The following AGBL4 variants were observed in gnomAD, a reference collection of about 807,000 sequenced individuals.
AGBL4 encodes AGBL carboxypeptidase 4.
Under a neutral mutation model 66.4 loss-of-function variants are expected in AGBL4, and 58 were observed. The ratio of observed to expected loss-of-function variants is 0.87; its 90% CI spans 0.71 to 1.09. The LOEUF (loss-of-function observed/expected upper bound fraction) is 1.09. Among genes scored for constraint, AGBL4 ranks in the 50% least tolerant of loss-of-function variants. The probability of loss-of-function intolerance (pLI) is 0.00; values close to 1 mark genes in which losing one functional copy is unlikely to be tolerated. For missense variants in AGBL4, 579 were observed against 631.0 expected (o/e 0.92, Z 0.88); for synonymous variants, 234 against 222.9 (o/e 1.05, Z -0.44).
intron 4 of AGBL4, among the ~76,000 whole-genome samples, chr1:49,125,385 TG>T (rs1645745134): frequency 6.6e-6 from 1 of 152,130 alleles, no homozygotes; most frequent in Non-Finnish European, 1.5e-5. Flanking sequence ...TTCCCCTAGT[TG>T]TATGGCCAGC....
chr1:49,423,673 G>A (rs1472884421), intron 3 of AGBL4, among the ~76,000 whole-genome samples: 1 of 151,904 alleles, frequency 6.6e-6, no homozygotes, highest in African/African-American at 2.4e-5. Flanking sequence ...TTAGCCAGGT[G>A]TGGTGGTACA....
intron 5 of AGBL4, among the ~76,000 whole-genome samples, chr1:49,035,729 GGT>G (rs140975530): frequency 2.2e-4 from 33 of 149,412 alleles, no homozygotes; most frequent in East Asian, 5.9e-4. Flanking sequence ...ACACTCCTGG[GGT>G]GTGTGTGTGT....
chr1:49,225,524 A>G (rs1365232196), intron 4 of AGBL4, among the ~76,000 whole-genome samples: 1 of 152,186 alleles, frequency 6.6e-6, no homozygotes, highest in Non-Finnish European at 1.5e-5. Context: ...ACCAGACCCA[A>G]GGTGGGACTG....
At chr1:49,096,636 C>A (rs1172793272) in intron 4 of AGBL4, among the ~76,000 whole-genome samples, 1 of 132,438 alleles carries the variant, frequency 7.6e-6, no homozygotes, top group African/African-American at 2.9e-5. Context: ...GGGAACTGAA[C>A]AATGAGAACA....
intron 4 of AGBL4, among the ~76,000 whole-genome samples, chr1:49,191,995 G>T (rs1647129140): frequency 6.6e-6 from 1 of 152,140 alleles, no homozygotes; most frequent in Non-Finnish European, 1.5e-5. Context: ...TGGCTGCTGG[G>T]TTGAGTGGTA....
intron 3 of AGBL4, among the ~76,000 whole-genome samples, chr1:49,331,687 G>A (rs923452478): frequency 2.0e-5 from 3 of 151,910 alleles, no homozygotes; most frequent in African/African-American, 7.3e-5. Context: ...GGAGAGGCAG[G>A]CTGCCACCTT....
chr1:48,623,943 C>T (rs1442699630), intron 9 of AGBL4, among the ~76,000 whole-genome samples: 2 of 152,138 alleles, frequency 1.3e-5, no homozygotes, highest in Non-Finnish European at 2.9e-5. Flanking sequence ...CCCACAGAGA[C>T]TCTTTTTTAG....
chr1:49,008,469 G>A (rs1442115971), intron 5 of AGBL4, among the ~76,000 whole-genome samples: 12 of 147,910 alleles, frequency 8.1e-5, no homozygotes, highest in Non-Finnish European at 1.4e-4. Flanking sequence ...ACAGATCAAC[G>A]AGACAGAAAG....
At chr1:49,986,719 C>T (rs1659533949) in intron 1 of AGBL4, among the ~76,000 whole-genome samples, 2 of 152,066 alleles carry the variant, frequency 1.3e-5, no homozygotes, top group South Asian at 2.1e-4. Context: ...TTTCATAATG[C>T]ACTCTTTAAA....
chr1:48,897,273 G>A (rs1557437220), intron 5 of AGBL4, among the ~76,000 whole-genome samples: 1 of 152,086 alleles, frequency 6.6e-6, no homozygotes, highest in South Asian at 2.1e-4. Flanking sequence ...TTAACATAGT[G>A]GTCTCCAGTA....
At position 48,961,947 on chromosome 1, in the gene AGBL4, C is replaced by G. The variant is rs1658023985; in HGVS notation, c.594+83637G>C. Among the ~76,000 whole-genome samples, 4 of 152,088 alleles carry G rather than the reference C, an allele frequency of 2.6e-5. No homozygotes were observed. In the South Asian group the frequency reaches 8.3e-4, roughly 32 times the overall value. On this transcript the variant is annotated intron_variant, in intron 5 of 13. Transcript: ENST00000371839. ...TGATCTCAATTCTGGCTACAAATAC[C>G]AATCCCTGGGTATGGATTCTGATTC... is the stretch of plus-strand genomic sequence containing the variant.
chr1:49,605,520 T>C (rs1645047844), intron 3 of AGBL4, among the ~76,000 whole-genome samples: 1 of 152,160 alleles, frequency 6.6e-6, no homozygotes, highest in African/African-American at 2.4e-5. Context: ...TAAATGGTGG[T>C]ATAAAATATT....
chr1:49,868,844 T>C (rs780077778), intron 1 of AGBL4, among the ~76,000 whole-genome samples: 2 of 152,134 alleles, frequency 1.3e-5, no homozygotes, highest in Non-Finnish European at 2.9e-5. Flanking sequence ...GAGAAAATTT[T>C]TGCAATCTTT....
intron 9 of AGBL4, among the ~76,000 whole-genome samples, chr1:48,593,699 C>T (rs565286842): frequency 6.2e-4 from 94 of 151,968 alleles, no homozygotes; most frequent in African/African-American, 2.2e-3. Context: ...TGCAGTGAGC[C>T]GAGATCACGC....
chr1:49,889,952 C>T (rs532657895), intron 1 of AGBL4, among the ~76,000 whole-genome samples: 7 of 152,166 alleles, frequency 4.6e-5, no homozygotes, highest in Non-Finnish European at 8.8e-5. Flanking sequence ...TCAGATTATG[C>T]TTATATCATT....
At chr1:49,505,895 C>T (rs1476441885) in intron 3 of AGBL4, among the ~76,000 whole-genome samples, 1 of 151,902 alleles carries the variant, frequency 6.6e-6, no homozygotes, top group African/African-American at 2.4e-5. Context: ...TCTATAATTC[C>T]CGTAAACTTT....
chr1:49,845,240 C>A (rs1646109148), intron 2 of AGBL4: 2 of 1,546,366 alleles, frequency 1.3e-6, no homozygotes, highest in African/African-American at 1.4e-5. Flanking sequence ...GGGGAGAAAC[C>A]CTATAAATGC....
chr1:48,583,188 C>T (rs982207115), intron 11 of AGBL4, among the ~76,000 whole-genome samples: 1 of 152,188 alleles, frequency 6.6e-6, no homozygotes, highest in Non-Finnish European at 1.5e-5. Flanking sequence ...ATGCTCTTTG[C>T]CCTACAAACC....
intron 6 of AGBL4, among the ~76,000 whole-genome samples, chr1:48,693,215 G>C (rs1531900): frequency 2.6e-5 from 4 of 152,050 alleles, no homozygotes; most frequent in Non-Finnish European, 2.9e-5. Flanking sequence ...GGGCAGGGCT[G>C]GGTGTAGATT....
Sources: gnomAD v4.1 joint callset for allele counts (sites outside exome capture counted in the v4.1 genomes callset) on GRCh38, gnomAD v4.1.1 for gene constraint, MANE v1.5 for transcripts, NCBI Gene and HGNC (gene_info 2026-07-23, HGNC 2026-07-21) for gene names.